The following USP6NL variants were observed in gnomAD, a reference collection of about 807,000 sequenced individuals.
The protein encoded by USP6NL is USP6 N-terminal-like protein.
USP6NL carries 26 observed loss-of-function variants against 61.9 expected under a neutral mutation model. The observed-to-expected ratio is 0.42, with a 90% confidence interval of 0.31 to 0.58. USP6NL has a LOEUF of 0.58. Among genes scored for constraint, USP6NL ranks in the 20% least tolerant of loss-of-function variants. The probability of loss-of-function intolerance (pLI) is 0.16; values close to 1 mark genes in which losing one functional copy is unlikely to be tolerated. For missense variants in USP6NL, 1,114 were observed against 1,034.3 expected (o/e 1.08, Z -1.06); for synonymous variants, 432 against 390.1 (o/e 1.11, Z -1.27).
chr10:11,602,113 G>C lies in USP6NL; in HGVS notation c.-83-4396C>G, dbSNP rs1439100348. On this transcript the variant is annotated intron_variant, in intron 1 of 14. Coordinates refer to ENST00000609104, the MANE Select transcript of USP6NL (RefSeq NM_014688.5). The surrounding 1 kb of genome is among the most constrained non-coding windows in gnomAD (Gnocchi z 4.8). ...CAAATAACAAGGGATTGACTACATT[G>C]TTAATTCACATTTAATAGATTCTCA... Among the ~76,000 whole-genome samples the C allele has an allele frequency of 1.3e-5, 2 of 152,028 alleles. No homozygotes were observed. Among genetic ancestry groups the C allele is most frequent in the Non-Finnish European group, 2.9e-5 (2 of 68,006 alleles).
Position 11,602,950 on chromosome 10 carries a change from C to T in USP6NL, c.-83-5233G>A, listed in dbSNP as rs1838592229. ...TCTTATGCTTTCCCTAAAGAATGCT[C>T]TTGCTGCAACCCCGTGAAACATAAC... On this transcript the variant is annotated intron_variant, in intron 1 of 14. Transcript: ENST00000609104. This position sits in a 1 kb window ranked among gnomAD's most constrained non-coding sequence, Gnocchi z 4.8. Among the ~76,000 whole-genome samples the T allele has an allele frequency of 1.3e-5, 2 of 152,206 alleles. No individual in the cohort carries two copies. The highest frequency in any genetic ancestry group is 1.3e-4 in the Admixed American group (2 of 15,282).
chr10:11,507,936 T>C (rs1214978083), intron 6 of USP6NL, among the ~76,000 whole-genome samples: 1 of 152,206 alleles, frequency 6.6e-6, no homozygotes, highest in African/African-American at 2.4e-5. Context: ...ATAGTCTGCC[T>C]CTAGAATCTG....
chr10:11,487,195 A>G lies in USP6NL; in HGVS notation c.665-1284T>C, dbSNP rs1833507245. On this transcript the variant is annotated intron_variant, in intron 10 of 14. Transcript: ENST00000609104. This position sits in a 1 kb window ranked among gnomAD's most constrained non-coding sequence, Gnocchi z 4.2. ...GCTCAAGAATGCTAAGAAGCCTAACAGTTCTTCATTTTCCACTGATGTTCC... is the reference window on the plus strand; with the variant it reads ...GCTCAAGAATGCTAAGAAGCCTAACGGTTCTTCATTTTCCACTGATGTTCC... Among the ~76,000 whole-genome samples the G allele has an allele frequency of 6.6e-6, 1 of 152,198 alleles. No individual in the cohort carries two copies. Among genetic ancestry groups the G allele is most frequent in the Non-Finnish European group, 1.5e-5 (1 of 68,022 alleles).
chr10:11,466,283 G>A (rs1051527340), intron 14 of USP6NL, among the ~76,000 whole-genome samples: 1 of 152,200 alleles, frequency 6.6e-6, no homozygotes, highest in Non-Finnish European at 1.5e-5. Context: ...TAAGATGGGC[G>A]ATTACTTCCC....
intron 2 of USP6NL, among the ~76,000 whole-genome samples, chr10:11,541,269 A>ATG (rs1419522165): frequency 3.1e-5 from 4 of 130,690 alleles, no homozygotes; most frequent in Admixed American, 2.3e-4. Flanking sequence ...ATATATATAT[A>ATG]TATATATGTA....
rs145397498 is a variant in USP6NL, at chr10:11,526,967, T to C, written c.72+533A>G. ...ATGTAAATTATGAACGCAACGGATA[T>C]GTAATTCCATATACTTAACTTAGTC... On this transcript the variant is annotated intron_variant, in intron 3 of 14. Coordinates refer to ENST00000609104, the MANE Select transcript of USP6NL (RefSeq NM_014688.5). 1.3e-3 allele frequency among the ~76,000 whole-genome samples: 193 copies of C among 152,352 alleles called. 1 individual carries two copies. The highest frequency in any genetic ancestry group is 4.5e-3 in the African/African-American group (188 of 41,572).
rs1270126912 is a variant in USP6NL, at chr10:11,600,429, C to A, written c.-83-2712G>T. On this transcript the variant is annotated intron_variant, in intron 1 of 14. Transcript: ENST00000609104. This position sits in a 1 kb window ranked among gnomAD's most constrained non-coding sequence, Gnocchi z 4.1. ...ACCCACATCTTACAGCCAAACCCAGCCAAACTCAACAGAGAGCGCAGACCA... is the reference window on the plus strand; with the variant it reads ...ACCCACATCTTACAGCCAAACCCAGACAAACTCAACAGAGAGCGCAGACCA... Among the ~76,000 whole-genome samples, 1 of 152,126 alleles carries A rather than the reference C, an allele frequency of 6.6e-6. No individual in the cohort carries two copies. Among genetic ancestry groups the A allele is most frequent in the Admixed American group, 6.5e-5 (1 of 15,276 alleles).
intron 2 of USP6NL, among the ~76,000 whole-genome samples, chr10:11,555,477 G>A (rs1373242352): frequency 1.1e-4 from 15 of 131,366 alleles, no homozygotes; most frequent in South Asian, 2.5e-4. Context: ...GAGAAAGAGA[G>A]AGAGAGAGAG....
At chr10:11,516,608 C>G (rs895803706) in intron 5 of USP6NL, among the ~76,000 whole-genome samples, 2 of 152,082 alleles carry the variant, frequency 1.3e-5, no homozygotes, top group Non-Finnish European at 2.9e-5. Flanking sequence ...GCAAGTCATG[C>G]AATATGAGTG....
chr10:11,590,591 A>G (rs1009885097), intron 2 of USP6NL, among the ~76,000 whole-genome samples: 4 of 152,184 alleles, frequency 2.6e-5, no homozygotes, highest in Non-Finnish European at 4.4e-5. Flanking sequence ...ATAGAAATCC[A>G]GTTTTGGAGA....
intron 7 of USP6NL, among the ~76,000 whole-genome samples, chr10:11,494,003 T>C (rs1833810272): frequency 6.6e-6 from 1 of 152,252 alleles, no homozygotes; most frequent in Non-Finnish European, 1.5e-5. Context: ...CCTATCTTTT[T>C]TCTCAGGTTC....
At chr10:11,479,727 C>T (rs1441288139) in intron 14 of USP6NL, among the ~76,000 whole-genome samples, 1 of 152,018 alleles carries the variant, frequency 6.6e-6, no homozygotes, top group East Asian at 1.9e-4. Context: ...AGGGGCCTGC[C>T]ACTATGCCCG....
rs1438221542 is a variant in USP6NL, at chr10:11,537,257, G to A, written c.5-9690C>T. On this transcript the variant is annotated intron_variant, in intron 2 of 14. Transcript: ENST00000609104. The surrounding 1 kb of genome is among the most constrained non-coding windows in gnomAD (Gnocchi z 5.1). The stretch of plus-strand genomic sequence containing the variant: ...GTCCTAAGTAGCTGGGACTACAGGC[G>A]CATGCTACCCTGTCTAGCTAATACT... Among the ~76,000 whole-genome samples the A allele has an allele frequency of 1.3e-5, 2 of 152,084 alleles. No homozygotes were observed. The highest frequency in any genetic ancestry group is 2.9e-5 in the Non-Finnish European group (2 of 68,018).
At position 11,513,104 on chromosome 10, in the gene USP6NL, T is replaced by C. The variant is rs187207145; in HGVS notation, c.196-3429A>G. Among the ~76,000 whole-genome samples, 20 of 152,308 alleles carry C rather than the reference T, an allele frequency of 1.3e-4. No individual in the cohort carries two copies. Among genetic ancestry groups the C allele is most frequent in the African/African-American group, 4.8e-4 (20 of 41,574 alleles). On this transcript the variant is annotated intron_variant, in intron 5 of 14. Coordinates refer to ENST00000609104, the MANE Select transcript of USP6NL (RefSeq NM_014688.5). This position sits in a 1 kb window ranked among gnomAD's most constrained non-coding sequence, Gnocchi z 4.7. ...TTTTATCACCTAAAACAGTGGTTGT[T>C]ATATAAGAAAAGTTAAACATTTAAA...
At position 11,589,719 on chromosome 10, in the gene USP6NL, A is replaced by G. The variant is rs1235273941; in HGVS notation, c.4+7912T>C. ...CACTCTTCTAACATCTAAAACAGGCAACTGTATTTTTAAAAAGACATTGTG... is the reference window on the plus strand; with the variant it reads ...CACTCTTCTAACATCTAAAACAGGCGACTGTATTTTTAAAAAGACATTGTG... On this transcript the variant is annotated intron_variant, in intron 2 of 14. Transcript: ENST00000609104. This position sits in a 1 kb window ranked among gnomAD's most constrained non-coding sequence, Gnocchi z 4.7. 6.6e-6 allele frequency among the ~76,000 whole-genome samples: 1 copy of G among 152,206 alleles called. No homozygotes were observed. Among genetic ancestry groups the G allele is most frequent in the Non-Finnish European group, 1.5e-5 (1 of 68,032 alleles).
In USP6NL at chr10:11,528,120, C is replaced by CACACACAG. The variant is rs1176975950; in HGVS notation, c.5-561_5-554dup. On this transcript the variant is annotated intron_variant, in intron 2 of 14. Coordinates refer to ENST00000609104, the MANE Select transcript of USP6NL (RefSeq NM_014688.5). The surrounding 1 kb of genome is among the most constrained non-coding windows in gnomAD (Gnocchi z 4.6). ...TTTATCATACATATGTGTGTGGACA[C>CACACACAG]ACACACAGACACACACACACACACA... 3.5e-5 allele frequency among the ~76,000 whole-genome samples: 5 copies of CACACACAG among 142,234 alleles called. No individual in the cohort carries two copies. Among genetic ancestry groups the CACACACAG allele is most frequent in the Non-Finnish European group, 3.1e-5 (2 of 64,008 alleles). 93.3% of individuals were successfully genotyped at this position (142,234 alleles called of 152,430 possible).
chr10:11,520,495 C>T lies in USP6NL; in HGVS notation c.156-1921G>A, dbSNP rs573003108. Among the ~76,000 whole-genome samples, 4 of 152,274 alleles carry T rather than the reference C, an allele frequency of 2.6e-5. No individual in the cohort carries two copies. The highest frequency in any genetic ancestry group is 2.1e-4 in the South Asian group (1 of 4,830). On this transcript the variant is annotated intron_variant, in intron 4 of 14. Coordinates refer to ENST00000609104, the MANE Select transcript of USP6NL (RefSeq NM_014688.5). The surrounding 1 kb of genome is among the most constrained non-coding windows in gnomAD (Gnocchi z 5.2). The stretch of plus-strand genomic sequence containing the variant: ...AGAGCTCCCTGTAATGCCCAGAATA[C>T]GTAAGTTGGCATGCTGGAAGAGCTC...
intron 7 of USP6NL, among the ~76,000 whole-genome samples, chr10:11,494,025 T>C (rs1175231880): frequency 6.6e-6 from 1 of 152,236 alleles, no homozygotes; most frequent in Non-Finnish European, 1.5e-5. Context: ...TCCCTTGCTC[T>C]GCAGGAACAC....
intron 1 of USP6NL, among the ~76,000 whole-genome samples, chr10:11,603,667 T>C (rs1227672360): frequency 6.6e-6 from 1 of 152,220 alleles, no homozygotes; most frequent in Non-Finnish European, 1.5e-5. Context: ...ATTCATTTAA[T>C]AGATATTAAT....
Sources: allele counts gnomAD v4.1 joint callset (sites outside exome capture counted in the v4.1 genomes callset), GRCh38; gene constraint gnomAD v4.1.1; non-coding constraint Gnocchi (gnomAD v3.1); transcripts MANE v1.5; gene names NCBI Gene and HGNC (gene_info 2026-07-23, HGNC 2026-07-21).